Variants in ADCY5 observed in about 807,000 individuals in gnomAD.
ADCY5 encodes adenylate cyclase 5, also known as adenylate cyclase type 5.
Under a neutral mutation model 119.7 loss-of-function variants are expected in ADCY5, and 30 were observed. That is an observed-to-expected ratio of 0.25 (90% CI 0.19 to 0.34). ADCY5 has a LOEUF of 0.34. Among genes scored for constraint, ADCY5 ranks in the 10% least tolerant of loss-of-function variants. ADCY5 has a pLI of 1.00. For synonymous variants in ADCY5, 753 were observed against 762.2 expected (o/e 0.99, Z 0.20); for missense variants, 1,324 against 1,775.2 (o/e 0.75, Z 4.57).
intron 8 of ADCY5, among the ~76,000 whole-genome samples, chr3:123,324,815 C>A (rs1317073425): frequency 6.6e-6 from 1 of 152,226 alleles, no homozygotes; most frequent in Non-Finnish European, 1.5e-5. Flanking sequence ...TCTTTCTCAG[C>A]ACAGAGGGCA....
At chr3:123,434,711 T>A (rs1945577669) in intron 1 of ADCY5, among the ~76,000 whole-genome samples, 1 of 152,032 alleles carries the variant, frequency 6.6e-6, no homozygotes, top group Non-Finnish European at 1.5e-5. Flanking sequence ...TAATCTGGGG[T>A]GGGCCTTGTT....
chr3:123,381,616 A>G (rs4678015), intron 1 of ADCY5, among the ~76,000 whole-genome samples: 72,090 of 152,132 alleles, frequency 0.47, 17,849 homozygotes, highest in East Asian at 0.68. Flanking sequence ...TTTCTGTCTT[A>G]AAATTCTCAG....
In ADCY5 at chr3:123,283,813, T is replaced by TAATA. The variant is rs1195259208; in HGVS notation, c.*791_*794dup. On this transcript the variant is annotated 3_prime_UTR_variant, in exon 21 of 21. Coordinates refer to ENST00000462833, the MANE Select transcript of ADCY5 (RefSeq NM_183357.3). ...TCTGTGAGATCTCCAAGGCTTTCAA[T>TAATA]AATACAAAATAAAAAATACAAAAAA... 6.6e-6 allele frequency: 1 copy of TAATA among 152,134 alleles called. No homozygotes were observed. Among genetic ancestry groups the TAATA allele is most frequent in the African/African-American group, 2.4e-5 (1 of 41,420 alleles). The allele number at this position is 152,134 out of a possible 1,614,324, so 9.4% of individuals were successfully genotyped here.
intron 11 of ADCY5, among the ~76,000 whole-genome samples, chr3:123,314,551 G>A (rs576649262): frequency 2.0e-5 from 3 of 152,372 alleles, no homozygotes; most frequent in South Asian, 4.1e-4. Flanking sequence ...CGGCCTTGCA[G>A]GTGGATTCTG....
intron 1 of ADCY5, among the ~76,000 whole-genome samples, chr3:123,383,453 G>A (rs544403499): frequency 6.6e-6 from 1 of 152,314 alleles, no homozygotes; most frequent in Admixed American, 6.5e-5. Flanking sequence ...GGCTTAGCGG[G>A]GAGGGGTAAG....
At chr3:123,300,098 GC>G in intron 15 of ADCY5, 21 bp downstream of exon 15, 1 of 1,612,142 alleles carries the variant, frequency 6.2e-7, no homozygotes, top group South Asian at 1.1e-5. Flanking sequence ...CCAGTGGGGA[GC>G]GTGAGGGAGG....
intron 1 of ADCY5, among the ~76,000 whole-genome samples, chr3:123,422,546 G>A (rs1945322145): frequency 6.6e-6 from 1 of 152,114 alleles, no homozygotes; most frequent in Admixed American, 6.5e-5. Context: ...ATGCAGAGCC[G>A]CCTGACTGGA....
Position 123,284,753 on chromosome 3 carries a change from G to GGA in ADCY5, c.3658-19_3658-18dup. 1.2e-6 allele frequency: 2 copies of GGA among 1,613,912 alleles called. No homozygotes were observed. The highest frequency in any genetic ancestry group is 8.5e-7 in the Non-Finnish European group (1 of 1,179,892). On this transcript the variant is annotated splice_polypyrimidine_tract_variant and intron_variant, in intron 20 of 20. Coordinates refer to ENST00000462833, the MANE Select transcript of ADCY5 (RefSeq NM_183357.3). Reference sequence around the variant, plus strand: ...TGTGGTGACCTGTGGGGGAACAGGAGGAGAGAGGGCAAGCCACTGATGGCC... The same window carrying GGA: ...TGTGGTGACCTGTGGGGGAACAGGAGGAGAGAGAGGGCAAGCCACTGATGGCC...
chr3:123,335,279 C>T (rs371876426), intron 3 of ADCY5, among the ~76,000 whole-genome samples: 1 of 152,184 alleles, frequency 6.6e-6, no homozygotes, highest in East Asian at 1.9e-4. Flanking sequence ...GGTGCCTCCC[C>T]CTTGGCCTCT....
chr3:123,372,184 T>C (rs1452249962), intron 1 of ADCY5, among the ~76,000 whole-genome samples: 1 of 152,102 alleles, frequency 6.6e-6, no homozygotes, highest in Admixed American at 6.5e-5. Flanking sequence ...CCATGTTCTC[T>C]GCTCGAGGGC....
At chr3:123,428,856 C>T (rs1247359113) in intron 1 of ADCY5, among the ~76,000 whole-genome samples, 1 of 152,170 alleles carries the variant, frequency 6.6e-6, no homozygotes, top group African/African-American at 2.4e-5. Context: ...AAACGGAGTT[C>T]CTGGGGAATT....
intron 1 of ADCY5, among the ~76,000 whole-genome samples, chr3:123,436,313 C>A (rs191902383): frequency 2.0e-4 from 30 of 152,130 alleles, no homozygotes; most frequent in African/African-American, 7.2e-4. Flanking sequence ...GCAGAGGTTG[C>A]AGTAAGCCAA....
intron 12 of ADCY5, among the ~76,000 whole-genome samples, chr3:123,308,028 CTTTTTTTTTTTTT>C (rs1178147327): frequency 1.2e-5 from 1 of 85,658 alleles, no homozygotes; most frequent in East Asian, 3.2e-4. Context: ...TTTTCATGCT[CTTTTTTTTTTTTT>C]TTTTTTTTTT....
intron 1 of ADCY5, among the ~76,000 whole-genome samples, chr3:123,385,733 A>G (rs1944200200): frequency 6.6e-6 from 1 of 152,226 alleles, no homozygotes; most frequent in African/African-American, 2.4e-5. Context: ...TCAGTTTCTC[A>G]TCTGTAAAAT....
rs112913957 is a variant in ADCY5, at chr3:123,303,134, G to A, written c.2645C>T (p.Ala882Val). 5.1e-4 allele frequency: 821 copies of A among 1,613,866 alleles called. 1 individual carries two copies. Among genetic ancestry groups the A allele is most frequent in the Non-Finnish European group, 6.6e-4 (774 of 1,180,034 alleles). Reference protein sequence around the residue: ...SASQVNACHVAESAVNYSLGD... With the variant: ...SASQVNACHVVESAVNYSLGD... ...CAGGCTGTAGTTGACGGCCGACTCC[G>A]CCACGTGACACGCGTTGACCTGGCT... The change falls in exon 14 of 21, where the codon GCG (alanine) becomes GTG (valine). Residue 882 changes from alanine to valine, a missense_variant. Around this residue, in one of 6 missense-constraint regions of ADCY5, gnomAD observed 424 missense variants for 546.8 expected, o/e 0.78. Coordinates refer to ENST00000462833, the MANE Select transcript of ADCY5 (RefSeq NM_183357.3).
chr3:123,410,877 G>T (rs1277592018), intron 1 of ADCY5, among the ~76,000 whole-genome samples: 1 of 152,034 alleles, frequency 6.6e-6, no homozygotes, highest in African/African-American at 2.4e-5. Flanking sequence ...CAATCTCCTG[G>T]CCTCAAGTGA....
chr3:123,291,987 T>C (rs1024584711), intron 17 of ADCY5, among the ~76,000 whole-genome samples: 1 of 152,134 alleles, frequency 6.6e-6, no homozygotes, highest in African/African-American at 2.4e-5. Context: ...CACCAGTGAC[T>C]TTGGTTTTCC....
chr3:123,337,299 G>A (rs1035850048), intron 3 of ADCY5, among the ~76,000 whole-genome samples: 10 of 152,138 alleles, frequency 6.6e-5, no homozygotes, highest in Non-Finnish European at 1.2e-4. Context: ...GCCTGGATGC[G>A]GCGGGCCATG....
rs1007360314 is a variant in ADCY5 at position 123,363,991 on chromosome 3, A to G, written c.1135-11410T>C. On this transcript the variant is annotated intron_variant, in intron 1 of 20. Transcript: ENST00000462833. Reference sequence around the variant, plus strand: ...AAAATGTCTTATTTAAATAACATTCAACATTGTGGGAAATTTTCCAAAATA... The same window carrying G: ...AAAATGTCTTATTTAAATAACATTCGACATTGTGGGAAATTTTCCAAAATA... Among the ~76,000 whole-genome samples the G allele has an allele frequency of 2.2e-4, 34 of 152,254 alleles. 1 individual carries two copies. The highest frequency in any genetic ancestry group is 2.2e-3 in the Admixed American group (34 of 15,286).
Sources: allele counts gnomAD v4.1 joint callset (sites outside exome capture counted in the v4.1 genomes callset), GRCh38; gene constraint gnomAD v4.1.1; regional missense constraint gnomAD v4.1.1; transcripts MANE v1.5; gene names NCBI Gene and HGNC (gene_info 2026-07-23, HGNC 2026-07-21).